The following NCAPD3 variants were observed in gnomAD, a reference collection of about 807,000 sequenced individuals.
NCAPD3 encodes the protein non-SMC condensin II complex subunit D3.
In NCAPD3, 105 loss-of-function variants were observed where a neutral mutation model predicts 182.9. That is an observed-to-expected ratio of 0.57 (90% confidence interval 0.49 to 0.68). The LOEUF is 0.68. Ranked by LOEUF, NCAPD3 falls within the 30% of genes least tolerant of loss-of-function variation. NCAPD3 has a pLI of 0.00. For synonymous variants in NCAPD3, 815 were observed against 679.9 expected (o/e 1.20, Z -3.09); for missense variants, 1,944 against 1,837.0 (o/e 1.06, Z -1.07).
chr11:134,185,661 G>C (rs1022343117), intron 16 of NCAPD3, 135 bp from the exon 17 acceptor site: 1 of 593,654 alleles, frequency 1.7e-6, no homozygotes, highest in African/African-American at 1.9e-5. Context: ...ATATGTAGAC[G>C]TTCCTAATTA....
chr11:134,181,855 G>A (rs895718626), intron 19 of NCAPD3, among the ~76,000 whole-genome samples: 2 of 152,108 alleles, frequency 1.3e-5, no homozygotes, highest in Admixed American at 1.3e-4. Context: ...TTTATTTTAG[G>A]AATGATGACA....
At position 134,209,330 on chromosome 11, in the gene NCAPD3, C is replaced by A; in HGVS notation, c.715G>T (p.Val239Leu). Residue 239 changes from valine to leucine, a missense_variant, in exon 5 of 35, where the codon GTA (valine) becomes TTA (leucine). By Grantham distance (32) the Val-to-Leu change is conservative. Transcript: ENST00000534548. Reference protein sequence around the residue: ...KFSLKEKPQCVQNCIEVFVSL... With the variant: ...KFSLKEKPQCLQNCIEVFVSL... Reference sequence around the variant, plus strand: ...TCACTTACCTCTATACAATTCTGTACACATTGTGGCTTTTCTTTCAAGGAA... The same window carrying A: ...TCACTTACCTCTATACAATTCTGTAAACATTGTGGCTTTTCTTTCAAGGAA... The A allele has an allele frequency of 1.2e-6, 2 of 1,613,734 alleles. No homozygotes were observed. Among genetic ancestry groups the A allele is most frequent in the Non-Finnish European group, 1.7e-6 (2 of 1,179,912 alleles).
rs1944795556 is a variant in NCAPD3 at position 134,203,736 on chromosome 11, G to A, written c.1386C>T (p.Ser462=). 1 of 1,614,036 alleles carries A rather than the reference G, an allele frequency of 6.2e-7. No individual in the cohort carries two copies. Residue 462 remains serine, a synonymous_variant, in exon 11 of 35, where the codon AGC becomes AGT. Transcript: ENST00000534548. ...AGTGTGCAAAGCTGGACAGTGCCTT[G>A]CTGCGGACAGTAGGCGCCTTGTCTA... The part of the protein sequence containing the change: ...RCLDKAPTVR[S]KALSSFAHCL...
chr11:134,194,094 C>A lies in NCAPD3; in HGVS notation c.1746G>T (p.Trp582Cys). The change falls in exon 15 of 35, where the codon TGG becomes TGT. Residue 582 changes from tryptophan to cysteine, a missense_variant. Trp to Cys is a radical substitution (Grantham distance 215). Coordinates refer to ENST00000534548, the MANE Select transcript of NCAPD3 (RefSeq NM_015261.3). ...GGTCCCGACACTGGTCCTGCAGAAT[C>A]CACAGGTCTTCCTTCATGCCTGAGA... ...CDVSGMKEDL[W>C]ILQDQCRDPA... 6.2e-7 allele frequency: 1 copy of A among 1,614,182 alleles called. No individual in the cohort carries two copies. Among genetic ancestry groups the A allele is most frequent in the Non-Finnish European group, 8.5e-7 (1 of 1,179,984 alleles).
intron 24 of NCAPD3, among the ~76,000 whole-genome samples, chr11:134,172,903 G>T (rs1944047711): frequency 6.7e-6 from 1 of 150,266 alleles, no homozygotes. Flanking sequence ...GAGGTGGGAG[G>T]GTCACATGAA....
At chr11:134,214,180 G>C (rs1937937329) in intron 3 of NCAPD3, among the ~76,000 whole-genome samples, 1 of 147,372 alleles carries the variant, frequency 6.8e-6, no homozygotes. Flanking sequence ...TAAAAAAAAA[G>C]GCACAACTAA....
rs1943472862 is a variant in NCAPD3, at chr11:134,158,040, G to A, written c.4062C>T (p.Ile1354=). ...ARPMSLSTIA[I]LNSVKKAVES... ...CCACGGCTTTCTTGACAGAATTCAGGATTGCAATGGTGCTCAGGGACATGG... is the reference window on the plus strand; with the variant it reads ...CCACGGCTTTCTTGACAGAATTCAGAATTGCAATGGTGCTCAGGGACATGG... The change falls in exon 31 of 35, where the codon ATC becomes ATT. Residue 1354 remains isoleucine (I), a synonymous_variant. Coordinates refer to ENST00000534548, the MANE Select transcript of NCAPD3 (RefSeq NM_015261.3). 6.2e-7 allele frequency: 1 copy of A among 1,614,008 alleles called. No individual in the cohort carries two copies. The highest frequency in any genetic ancestry group is 1.7e-5 in the Admixed American group (1 of 60,004).
chr11:134,202,742 G>A, intron 13 of NCAPD3, 74 bp downstream of exon 13: 3 of 1,143,430 alleles, frequency 2.6e-6, no homozygotes, highest in South Asian at 1.6e-5. Flanking sequence ...AAAAATCCAA[G>A]GTTTTAGACT....
chr11:134,208,610 A>T (rs967770912), intron 7 of NCAPD3, among the ~76,000 whole-genome samples: 2 of 152,234 alleles, frequency 1.3e-5, no homozygotes, highest in African/African-American at 4.8e-5. Flanking sequence ...CATTCACAGC[A>T]GAACCATTTT....
chr11:134,153,217 C>T lies in NCAPD3; in HGVS notation c.4328-17G>A. ...CAATTTTCTCTAAAAGGGAGTCAAA[C>T]AAACACATTCAGCTTTCCCAGAACC... On this transcript the variant is annotated splice_polypyrimidine_tract_variant and intron_variant, in intron 33 of 34. Transcript: ENST00000534548. 2 of 1,613,980 alleles carry T rather than the reference C, an allele frequency of 1.2e-6. No homozygotes were observed. Among genetic ancestry groups the T allele is most frequent in the African/African-American group, 1.3e-5 (1 of 75,048 alleles).
chr11:134,184,849 A>C (rs1007290899), intron 18 of NCAPD3, 54 bp downstream of exon 18: 89 of 1,376,980 alleles, frequency 6.5e-5, no homozygotes, highest in Middle Eastern at 1.8e-4. Context: ...ACACACACAC[A>C]CCTGAAATGA....
At position 134,152,569 on chromosome 11, in the gene NCAPD3, C is replaced by G. The variant is rs780659403; in HGVS notation, c.*375G>C. On this transcript the variant is annotated 3_prime_UTR_variant, in exon 35 of 35. Coordinates refer to ENST00000534548, the MANE Select transcript of NCAPD3 (RefSeq NM_015261.3). ...GTCATTACAGATGGGAAAATATGTA[C>G]TATAAGGAATTCAAGTTAACAGAGG... 10 of 167,288 alleles carry G rather than the reference C, an allele frequency of 6.0e-5. No homozygotes were observed. The highest frequency in any genetic ancestry group is 2.6e-3 in the Middle Eastern group (1 of 386). The allele number at this position is 167,288 out of a possible 1,614,324, so 10.4% of individuals were successfully genotyped here. A position where few individuals can be genotyped will look rare whatever the true frequency, so the allele number is the denominator to read the frequency against.
chr11:134,163,083 G>A (rs899817949), intron 27 of NCAPD3, among the ~76,000 whole-genome samples: 2 of 152,126 alleles, frequency 1.3e-5, no homozygotes, highest in African/African-American at 2.4e-5. Context: ...GGTTAGAGGT[G>A]AGGATGGAGG....
intron 4 of NCAPD3, 66 bp downstream of exon 4, chr11:134,210,204 A>C (rs1283083877): frequency 7.8e-6 from 11 of 1,407,304 alleles, no homozygotes; most frequent in Non-Finnish European, 9.8e-6. Flanking sequence ...TTTAGTATAA[A>C]GTCAATCCTT....
At chr11:134,209,885 T>C (rs1261636489) in intron 4 of NCAPD3, among the ~76,000 whole-genome samples, 2 of 151,954 alleles carry the variant, frequency 1.3e-5, no homozygotes, top group African/African-American at 4.8e-5. Context: ...TGAAACCCCA[T>C]CTCTACAAAA....
At chr11:134,207,409 T>C (rs928350604) in intron 7 of NCAPD3, among the ~76,000 whole-genome samples, 4 of 151,800 alleles carry the variant, frequency 2.6e-5, no homozygotes, top group African/African-American at 9.7e-5. Context: ...AAAATAAGGC[T>C]AAAAACCAAC....
intron 13 of NCAPD3, among the ~76,000 whole-genome samples, chr11:134,196,150 A>T (rs1265421851): frequency 2.0e-5 from 3 of 152,238 alleles, no homozygotes; most frequent in Non-Finnish European, 2.9e-5. Flanking sequence ...AAATCAAGAA[A>T]GGAGGGACAT....
chr11:134,206,444 C>T (rs1454030806), intron 8 of NCAPD3, among the ~76,000 whole-genome samples, 155 bp downstream of exon 8: 1 of 152,188 alleles, frequency 6.6e-6, no homozygotes, highest in Admixed American at 6.5e-5. Context: ...GACCCAGACA[C>T]ATAAAGCACA....
intron 29 of NCAPD3, 26 bp from the exon 30 acceptor site, chr11:134,158,521 A>T: frequency 6.3e-7 from 1 of 1,597,734 alleles, no homozygotes; most frequent in Non-Finnish European, 8.5e-7. Flanking sequence ...AAGAGTATGT[A>T]CATTCTAATA....
Sources: gnomAD v4.1 joint callset for allele counts (sites outside exome capture counted in the v4.1 genomes callset) on GRCh38, gnomAD v4.1.1 for gene constraint, MANE v1.5 for transcripts, NCBI Gene and HGNC (gene_info 2026-07-23, HGNC 2026-07-21) for gene names.